The following CPN1 variants were observed in gnomAD, a reference collection of about 807,000 sequenced individuals.
The protein encoded by CPN1 is carboxypeptidase N subunit 1.
In CPN1, 37 loss-of-function variants were observed where a neutral mutation model predicts 46.4. That is an observed-to-expected ratio of 0.80 (90% CI 0.61 to 1.05). CPN1 has a LOEUF of 1.05. Ranked by LOEUF, CPN1 falls within the 50% of genes least tolerant of loss-of-function variation. The pLI is 0.00. For missense variants in CPN1, 563 were observed against 602.6 expected, an observed-to-expected ratio of 0.93 and a Z score of 0.69; for synonymous variants, 224 against 235.4, an observed-to-expected ratio of 0.95 and a Z score of 0.44.
chr10:100,051,928 G>A (rs1222577277), intron 7 of CPN1, among the ~76,000 whole-genome samples: 1 of 150,378 alleles, frequency 6.6e-6, no homozygotes, highest in African/African-American at 2.4e-5. Flanking sequence ...TTTTGAAACA[G>A]AGTCTCACTC....
At position 100,069,808 on chromosome 10, in the gene CPN1, C is replaced by T. The variant is rs145570367; in HGVS notation, c.482G>A (p.Arg161His). Residue 161 changes from arginine to histidine, a missense_variant, in exon 3 of 9, where the codon CGC (arginine) becomes CAC (histidine). Transcript: ENST00000370418. ...RNNANGVDLNRNFPDLNTYIY... is the reference protein window; with the variant it reads ...RNNANGVDLNHNFPDLNTYIY... ...ATAGGTATTGAGATCAGGGAAGTTG[C>T]GGTTCAGGTCCACTCCATTTGCATT... is the stretch of plus-strand genomic sequence containing the variant. 7.4e-6 allele frequency: 12 copies of T among 1,613,668 alleles called. No individual in the cohort carries two copies. Among genetic ancestry groups the T allele is most frequent in the African/African-American group, 5.3e-5 (4 of 74,802 alleles).
chr10:100,081,527 C>T lies in CPN1; in HGVS notation c.99G>A (p.Arg33=), dbSNP rs1374090037. 2 of 1,614,064 alleles carry T rather than the reference C, an allele frequency of 1.2e-6. No homozygotes were observed. The highest frequency in any genetic ancestry group is 1.1e-5 in the South Asian group (1 of 91,090). ...ATTCGTTTTGCACCTTGTACAGCGT[C>T]CGCACAAGATCATCATAGCGGTGGT... ...FRHHRYDDLV[R]TLYKVQNECP... Residue 33 remains arginine, a synonymous_variant, in exon 1 of 9, where the codon CGG becomes CGA. Transcript: ENST00000370418.
At chr10:100,070,874 A>G (rs562074113) in intron 2 of CPN1, among the ~76,000 whole-genome samples, 2 of 152,328 alleles carry the variant, frequency 1.3e-5, no homozygotes, top group East Asian at 3.9e-4. Context: ...GGAGTTGTAT[A>G]ATCATCATTG....
At chr10:100,058,172 T>A (rs986731888) in intron 5 of CPN1, among the ~76,000 whole-genome samples, 5 of 152,008 alleles carry the variant, frequency 3.3e-5, no homozygotes, top group Non-Finnish European at 2.9e-5. Flanking sequence ...ATCCTTTATG[T>A]TTTTTTTCCA....
In CPN1 at chr10:100,081,796, G is replaced by A. The variant is rs958792180; in HGVS notation, c.-171C>T. On this transcript the variant is annotated 5_prime_UTR_variant, in exon 1 of 9. The change creates a new upstream start codon in the 5' untranslated region. Transcript: ENST00000370418. ...TCCAAGGCTGGAAATTCTTTATGTCGTTCTGGAATAGCCACTCATCTCTCC... is the reference window on the plus strand; with the variant it reads ...TCCAAGGCTGGAAATTCTTTATGTCATTCTGGAATAGCCACTCATCTCTCC... 4.5e-6 allele frequency: 3 copies of A among 665,404 alleles called. No individual in the cohort carries two copies. The highest frequency in any genetic ancestry group is 1.8e-5 in the African/African-American group (1 of 56,276). 41.2% of individuals were successfully genotyped at this position (665,404 alleles called of 1,614,324 possible).
At chr10:100,052,786 G>T (rs531540956) in intron 7 of CPN1, among the ~76,000 whole-genome samples, 1 of 152,266 alleles carries the variant, frequency 6.6e-6, no homozygotes, top group South Asian at 2.1e-4. Context: ...AGGCTGAGGA[G>T]GGAGGCTCAC....
chr10:100,054,570 T>C, intron 6 of CPN1, 124 bp from the exon 7 acceptor site: 1 of 774,850 alleles, frequency 1.3e-6, no homozygotes, highest in Middle Eastern at 2.6e-4. Flanking sequence ...ATGGTAATAG[T>C]CCCTTAACTG....
At chr10:100,069,933 T>G in intron 2 of CPN1, 64 bp from the exon 3 acceptor site, 1 of 1,597,944 alleles carries the variant, frequency 6.3e-7, no homozygotes, top group Admixed American at 1.7e-5. Context: ...TTCTAACTTT[T>G]TTTTTTGGAG....
rs576741462 is a variant in CPN1, at chr10:100,055,358, C to G, written c.1012-912G>C. ...CAATGATTCTCCATTATCCCCCCCC[C>G]CAGCCCCTGGCAACCACCATTTTAT... On this transcript the variant is annotated intron_variant, in intron 6 of 8. Transcript: ENST00000370418. Among the ~76,000 whole-genome samples, 30 of 151,826 alleles carry G rather than the reference C, an allele frequency of 2.0e-4. No individual in the cohort carries two copies. In the South Asian group the frequency reaches 2.3e-3, roughly 12 times the overall value.
In CPN1 at chr10:100,063,601, G is replaced by A; in HGVS notation, c.871+13C>T. On this transcript the variant is annotated intron_variant, in intron 5 of 8. Transcript: ENST00000370418. ...TCCACTTCAGCTTGAGCAGTTCCCA[G>A]GACTCCCCTTACCCTTGCTGAGAGA... The A allele has an allele frequency of 6.3e-7, 1 of 1,583,276 alleles. No homozygotes were observed. The highest frequency in any genetic ancestry group is 2.2e-5 in the East Asian group (1 of 44,656).
intron 7 of CPN1, among the ~76,000 whole-genome samples, chr10:100,051,012 G>A (rs2041348869): frequency 1.3e-5 from 2 of 152,180 alleles, no homozygotes; most frequent in African/African-American, 4.8e-5. Context: ...GCGACAGAGC[G>A]AGACTCTGCC....
rs1424040592 is a variant in CPN1 at position 100,042,473 on chromosome 10, C to T, written c.1331G>A (p.Arg444Lys). 6.2e-7 allele frequency: 1 copy of T among 1,613,942 alleles called. No homozygotes were observed. Among genetic ancestry groups the T allele is most frequent in the Non-Finnish European group, 8.5e-7 (1 of 1,180,022 alleles). Residue 444 changes from arginine (R) to lysine (K), a missense_variant, in exon 9 of 9, where the codon AGA (arginine) becomes AAA (lysine). Coordinates refer to ENST00000370418, the MANE Select transcript of CPN1 (RefSeq NM_001308.3). ...GVRAKVQPQA[R>K]KKEMEMRQLQ... ...CTGCCTCATCTCCATTTCTTTCTTTCTGGCTTGGGGCTGCACTTTGGCTCT... is the reference window on the plus strand; with the variant it reads ...CTGCCTCATCTCCATTTCTTTCTTTTTGGCTTGGGGCTGCACTTTGGCTCT...
intron 2 of CPN1, among the ~76,000 whole-genome samples, chr10:100,071,176 T>C (rs1479974025): frequency 6.6e-6 from 1 of 152,216 alleles, no homozygotes; most frequent in African/African-American, 2.4e-5. Context: ...TGTTTATCCA[T>C]TCACCAGTAT....
In CPN1 at chr10:100,042,580, G is replaced by GA; in HGVS notation, c.1231-8dup. The GA allele has an allele frequency of 2.5e-6, 4 of 1,613,758 alleles. No homozygotes were observed. The highest frequency in any genetic ancestry group is 3.4e-6 in the Non-Finnish European group (4 of 1,179,934). On this transcript the variant is annotated splice_region_variant and splice_polypyrimidine_tract_variant and intron_variant, in intron 8 of 8. Transcript: ENST00000370418. ...TTTTGAGGTGGAAGTTAACCTGGAA[G>GA]AAAAAAAGCAGGAGCTACGAGATCC...
chr10:100,063,576 TC>T lies in CPN1; in HGVS notation c.871+37del, dbSNP rs776369394. On this transcript the variant is annotated intron_variant, in intron 5 of 8. Transcript: ENST00000370418. ...ATTTAGAAGGAGAAATGAGCACTAT[TC>T]CACTTCAGCTTGAGCAGTTCCCAGG... 2.1e-6 allele frequency: 3 copies of T among 1,404,112 alleles called. No homozygotes were observed. In the East Asian group the frequency reaches 6.9e-5, roughly 32 times the overall value. 87.0% of individuals were successfully genotyped at this position (1,404,112 alleles called of 1,614,324 possible). A position where few individuals can be genotyped will look rare whatever the true frequency, so the allele number is the denominator to read the frequency against.
Position 100,069,771 on chromosome 10 carries a change from G to A in CPN1, c.519C>T (p.Asn173=), listed in dbSNP as rs1429754269. ...FPDLNTYIYY[N]EKYGGPNHHL... ...GGTGGTTGGGGCCTCCGTACTTCTC[G>A]TTATAGTAGATATAGGTATTGAGAT... Residue 173 remains asparagine (N), a synonymous_variant, in exon 3 of 9, where the codon AAC becomes AAT. Transcript: ENST00000370418. 6.8e-6 allele frequency: 11 copies of A among 1,613,588 alleles called. No individual in the cohort carries two copies. The highest frequency in any genetic ancestry group is 3.3e-5 in the Admixed American group (2 of 59,870).
At chr10:100,049,258 C>CT (rs570040770) in intron 7 of CPN1, among the ~76,000 whole-genome samples, 190 of 137,650 alleles carry the variant, frequency 1.4e-3, no homozygotes, top group Middle Eastern at 4.1e-3. Context: ...AGCCCGTTGG[C>CT]TTTTTTTTTT....
chr10:100,054,531 T>C (rs1000871017), intron 6 of CPN1, 85 bp from the exon 7 acceptor site: 36 of 1,113,966 alleles, frequency 3.2e-5, no homozygotes, highest in African/African-American at 6.1e-5. Flanking sequence ...CTTTCTCTTA[T>C]GTTTTTGTAT....
At chr10:100,052,720 A>G (rs760809750) in intron 7 of CPN1, among the ~76,000 whole-genome samples, 3 of 152,056 alleles carry the variant, frequency 2.0e-5, no homozygotes, top group Non-Finnish European at 4.4e-5. Context: ...TAAAAATAAA[A>G]AATAAAAAAA....
Sources: allele counts gnomAD v4.1 joint callset (sites outside exome capture counted in the v4.1 genomes callset), GRCh38; gene constraint gnomAD v4.1.1; transcripts MANE v1.5; gene names NCBI Gene and HGNC (gene_info 2026-07-23, HGNC 2026-07-21).